Variants in CDH1 observed in about 807,000 individuals in gnomAD.
The protein encoded by CDH1 is cadherin-1.
A neutral mutation model predicts 84.5 loss-of-function variants in CDH1; 35 were observed. That is an observed-to-expected ratio of 0.41 (90% CI 0.32 to 0.55). The LOEUF (loss-of-function observed/expected upper bound fraction) is 0.55. CDH1 is among the 20% of genes least tolerant of loss of function. The pLI, the probability that CDH1 is intolerant of heterozygous loss-of-function variation, is 0.19. For synonymous variants in CDH1, 417 were observed against 439.0 expected (o/e 0.95, Z 0.63); for missense variants, 994 against 1,126.6 (o/e 0.88, Z 1.68).
intron 2 of CDH1, among the ~76,000 whole-genome samples, chr16:68,769,604 C>G (rs983598156): frequency 3.9e-5 from 6 of 151,962 alleles, no homozygotes; most frequent in African/African-American, 1.4e-4. Flanking sequence ...CCACTGTGCC[C>G]AACCTGCACA....
intron 5 of CDH1, chr16:68,809,106 G>A (rs1597891442): frequency 3.9e-6 from 2 of 513,850 alleles, no homozygotes; most frequent in South Asian, 2.0e-5. Context: ...GACCCAAGAT[G>A]TCAACCTGTT....
chr16:68,784,587 C>T (rs942507381), intron 2 of CDH1, among the ~76,000 whole-genome samples: 4 of 151,998 alleles, frequency 2.6e-5, no homozygotes, highest in African/African-American at 9.7e-5. Flanking sequence ...TTTTGGTGCA[C>T]CCATGATTGG....
intron 3 of CDH1, 86 bp from the exon 4 acceptor site, chr16:68,808,338 G>T (rs1337680784): frequency 7.3e-7 from 1 of 1,375,698 alleles, no homozygotes; most frequent in East Asian, 2.3e-5. Flanking sequence ...GAAGGCTGGG[G>T]ACGCTGTCTG....
chr16:68,789,052 C>G (rs1960142127), intron 2 of CDH1, among the ~76,000 whole-genome samples: 1 of 152,060 alleles, frequency 6.6e-6, no homozygotes, highest in African/African-American at 2.4e-5. Flanking sequence ...AAGATCCGTT[C>G]TCACTGTGTC....
rs2152130211 is a variant in CDH1 at position 68,808,793 on chromosome 16, C to A, written c.632C>A (p.Thr211Lys). 6.2e-7 allele frequency: 1 copy of A among 1,614,118 alleles called. No individual in the cohort carries two copies. ...GGTGTCTTTATTATTGAAAGAGAAA[C>A]AGGATGGCTGAAGGTGACAGAGCCT... ...PVGVFIIERE[T>K]GWLKVTEPLD... is the part of the protein sequence containing the mutation. Residue 211 changes from threonine to lysine, a missense_variant, in exon 5 of 16, where the codon ACA becomes AAA. By Grantham distance (78) the Thr-to-Lys change is moderately conservative. This residue lies in a region of CDH1 where 769 missense variants were observed against 881.8 expected (regional missense o/e 0.87). Coordinates refer to ENST00000261769, the MANE Select transcript of CDH1 (RefSeq NM_004360.5).
At chr16:68,810,398 C>T in intron 6 of CDH1, 57 bp downstream of exon 6, 1 of 1,545,162 alleles carries the variant, frequency 6.5e-7, no homozygotes, top group Non-Finnish European at 8.9e-7. Context: ...TCTTTGGACC[C>T]CAAAGTGTTG....
intron 3 of CDH1, among the ~76,000 whole-genome samples, chr16:68,804,221 C>T (rs1477236791): frequency 7.0e-6 from 1 of 142,352 alleles, no homozygotes; most frequent in East Asian, 2.2e-4. Context: ...TCATGCCATT[C>T]TCCTGCCTCA....
At chr16:68,796,042 AATCCCAGCTACTCGG>A in intron 2 of CDH1, among the ~76,000 whole-genome samples, 1 of 151,986 alleles carries the variant, frequency 6.6e-6, no homozygotes, top group South Asian at 2.1e-4. Context: ...AGGCACCTGT[AATCCCAGCTACTCGG>A]GAGGCTGGGG....
chr16:68,834,652 T>G lies in CDH1; in HGVS notation c.*1153T>G, dbSNP rs1961590904. The stretch of plus-strand genomic sequence containing the variant: ...TGTCTGGCCACATCTTGACTAGGTA[T>G]TGTCTACTCTGAAGACCTTTAATGG... On this transcript the variant is annotated 3_prime_UTR_variant, in exon 16 of 16. Coordinates refer to ENST00000261769, the MANE Select transcript of CDH1 (RefSeq NM_004360.5). 8.3e-6 allele frequency: 2 copies of G among 241,654 alleles called. No homozygotes were observed. The highest frequency in any genetic ancestry group is 2.2e-5 in the African/African-American group (1 of 45,354). The allele number at this position is 241,654 out of a possible 1,614,324, so 15.0% of individuals were successfully genotyped here. A position where few individuals can be genotyped will look rare whatever the true frequency, so the allele number is the denominator to read the frequency against.
intron 2 of CDH1, among the ~76,000 whole-genome samples, chr16:68,739,767 C>T (rs918655814): frequency 1.3e-5 from 2 of 151,856 alleles, no homozygotes; most frequent in Non-Finnish European, 2.9e-5. Flanking sequence ...GGTGCCACCA[C>T]CATGCCCAGC....
At position 68,823,237 on chromosome 16, in the gene CDH1, C is replaced by CAA. The variant is rs146046879; in HGVS notation, c.1937-145_1937-144dup. ...CAAATGGAAATAAAGCTTTTTACAGCAAAAAAAAAAAAAAAAAAGTACATA... is the reference window on the plus strand; with the variant it reads ...CAAATGGAAATAAAGCTTTTTACAGCAAAAAAAAAAAAAAAAAAAAGTACATA... On this transcript the variant is annotated intron_variant, in intron 12 of 15. Coordinates refer to ENST00000261769, the MANE Select transcript of CDH1 (RefSeq NM_004360.5). 2.2e-3 allele frequency: 1,169 copies of CAA among 526,244 alleles called. 8 individuals carry two copies. The highest frequency in any genetic ancestry group is 0.014 in the African/African-American group (542 of 39,798). The allele number at this position is 526,244 out of a possible 1,614,324, so 32.6% of individuals were successfully genotyped here. A position where few individuals can be genotyped will look rare whatever the true frequency, so the allele number is the denominator to read the frequency against.
chr16:68,767,503 C>A (rs1959425556), intron 2 of CDH1, among the ~76,000 whole-genome samples: 1 of 151,990 alleles, frequency 6.6e-6, no homozygotes, highest in Non-Finnish European at 1.5e-5. Context: ...CGGCCTAGAC[C>A]ATTAAGTTTC....
intron 2 of CDH1, among the ~76,000 whole-genome samples, chr16:68,797,940 G>C (rs1056663074): frequency 6.6e-6 from 1 of 151,868 alleles, no homozygotes; most frequent in Non-Finnish European, 1.5e-5. Flanking sequence ...TTAGCTGGGC[G>C]TGGTGGTGTG....
intron 2 of CDH1, among the ~76,000 whole-genome samples, chr16:68,757,841 G>A (rs1233430002): frequency 6.6e-6 from 1 of 150,724 alleles, no homozygotes; most frequent in East Asian, 1.9e-4. Context: ...CACCCAGGCT[G>A]GAGTGGAGTG....
intron 5 of CDH1, 77 bp from the exon 6 acceptor site, chr16:68,810,120 C>T (rs775961397): frequency 9.1e-6 from 14 of 1,546,922 alleles, no homozygotes; most frequent in Admixed American, 1.7e-5. Context: ...GGGGGGCGCA[C>T]TCTGCTCTGG....
At chr16:68,746,776 C>T (rs1567475988) in intron 2 of CDH1, among the ~76,000 whole-genome samples, 4 of 151,954 alleles carry the variant, frequency 2.6e-5, no homozygotes, top group African/African-American at 7.2e-5. Flanking sequence ...GGTGAAACCC[C>T]GTTTCTGCTA....
At chr16:68,765,005 C>A (rs896185165) in intron 2 of CDH1, 1 of 152,050 alleles carries the variant, frequency 6.6e-6, no homozygotes, top group African/African-American at 2.4e-5. Flanking sequence ...TCTAACTTGC[C>A]CAGCCCAATA....
chr16:68,783,388 C>CAAA (rs375080273), intron 2 of CDH1, among the ~76,000 whole-genome samples: 2 of 61,972 alleles, frequency 3.2e-5, no homozygotes, highest in Admixed American at 1.8e-4. Context: ...CAGAGTATCT[C>CAAA]AAAAAAAAAA....
chr16:68,782,145 A>AC (rs561634583), intron 2 of CDH1, among the ~76,000 whole-genome samples: 140 of 151,904 alleles, frequency 9.2e-4, no homozygotes, highest in Admixed American at 2.8e-3. Context: ...CTCCACAGGC[A>AC]CCCCCCACAG....
Sources: allele counts gnomAD v4.1 joint callset (sites outside exome capture counted in the v4.1 genomes callset), GRCh38; gene constraint gnomAD v4.1.1; regional missense constraint gnomAD v4.1.1; transcripts MANE v1.5; gene names NCBI Gene and HGNC (gene_info 2026-07-23, HGNC 2026-07-21).